PSME3: variants seen among roughly 807,000 people sequenced by gnomAD.
PSME3 encodes proteasome activator subunit 3.
In PSME3, 7 loss-of-function variants were observed where a neutral mutation model predicts 38.3. That is an observed-to-expected ratio of 0.18 (90% confidence interval 0.10 to 0.34). The LOEUF is 0.34. PSME3 is among the 10% of genes least tolerant of loss of function. The pLI, the probability that PSME3 is intolerant of heterozygous loss-of-function variation, is 1.00. For missense variants in PSME3, 192 were observed against 307.6 expected (o/e 0.62, Z 2.81); for synonymous variants, 108 against 105.7 (o/e 1.02, Z -0.13).
chr17:42,833,973 T>C, intron 1 of PSME3: 1 of 1,437,552 alleles, frequency 7.0e-7, no homozygotes. Context: ...CCCTGGACAC[T>C]GCCCCTGCCC....
intron 6 of PSME3, 110 bp downstream of exon 6, chr17:42,838,315 G>GT (rs921550342): frequency 0.022 from 26,403 of 1,206,954 alleles, no homozygotes; most frequent in East Asian, 0.033. Context: ...GTTTTTTTGA[G>GT]TTTTTTTTTT....
In PSME3 at chr17:42,842,055, T is replaced by C. The variant is rs895630141; in HGVS notation, c.*477T>C. On this transcript the variant is annotated 3_prime_UTR_variant, in exon 11 of 11. Transcript: ENST00000590720. ...ACTGTTTCTTTCCTCTGTGGGGCAT[T>C]GGATCCTCCCACAGTTGCCCTGGTG... 6.5e-6 allele frequency: 1 copy of C among 152,988 alleles called. No individual in the cohort carries two copies. Among genetic ancestry groups the C allele is most frequent in the Non-Finnish European group, 1.5e-5 (1 of 68,328 alleles). The allele number at this position is 152,988 out of a possible 1,614,324, so 9.5% of individuals were successfully genotyped here.
chr17:42,838,995 T>C lies in PSME3; in HGVS notation c.525T>C (p.Tyr175=), dbSNP rs763289004. 9 of 1,614,094 alleles carry C rather than the reference T, an allele frequency of 5.6e-6. No individual in the cohort carries two copies. In the Admixed American group the frequency reaches 1.3e-4, roughly 24 times the overall value. The change falls in exon 8 of 11, where the codon TAT becomes TAC. Residue 175 remains tyrosine (Y), a synonymous_variant. Coordinates refer to ENST00000590720, the MANE Select transcript of PSME3 (RefSeq NM_005789.4). ...LRTVESEAAS[Y]LDQISRYYIT... Reference sequence around the variant, plus strand: ...CTGTTGAGAGTGAAGCTGCATCTTATCTGGACCAGATTTCTAGGTAGGGCT... The same window carrying C: ...CTGTTGAGAGTGAAGCTGCATCTTACCTGGACCAGATTTCTAGGTAGGGCT...
In PSME3 at chr17:42,834,898, T is replaced by C. The variant is rs2055443502; in HGVS notation, c.243+22T>C. 1.2e-6 allele frequency: 2 copies of C among 1,612,662 alleles called. 1 individual carries two copies. Among genetic ancestry groups the C allele is most frequent in the Non-Finnish European group, 1.7e-6 (2 of 1,179,448 alleles). ...TGGTGTAAGTGTCCTATATTTATCT[T>C]TGTGTTCTTGAGCAGTAGGTCCTCT... On this transcript the variant is annotated intron_variant, in intron 4 of 10. Coordinates refer to ENST00000590720, the MANE Select transcript of PSME3 (RefSeq NM_005789.4).
chr17:42,839,114 A>G lies in PSME3; in HGVS notation c.545A>G (p.Tyr182Cys). Residue 182 changes from tyrosine (Y) to cysteine (C), a missense_variant and splice_region_variant, in exon 9 of 11, where the codon TAT (tyrosine) becomes TGT (cysteine). By Grantham distance (194) the Tyr-to-Cys change is radical. Coordinates refer to ENST00000590720, the MANE Select transcript of PSME3 (RefSeq NM_005789.4). ...CCTCCTCTTCTCTCTCTTTCCAGAT[A>G]TTATATTACAAGAGCCAAATTGGTT... The part of the protein sequence containing the change: ...AASYLDQISR[Y>C]YITRAKLVSK... 1.3e-6 allele frequency: 2 copies of G among 1,590,042 alleles called. No individual in the cohort carries two copies. The highest frequency in any genetic ancestry group is 1.7e-6 in the Non-Finnish European group (2 of 1,158,208).
In PSME3 at chr17:42,834,327, C is replaced by T; in HGVS notation, c.43-17C>T. On this transcript the variant is annotated splice_polypyrimidine_tract_variant and intron_variant, in intron 1 of 10. Transcript: ENST00000590720. Reference sequence around the variant, plus strand: ...CTCTGTCCCCAGGTACTGAATTGCTCTCTTTGTTAATTTTAGGTTGATTCT... The same window carrying T: ...CTCTGTCCCCAGGTACTGAATTGCTTTCTTTGTTAATTTTAGGTTGATTCT... The T allele has an allele frequency of 6.2e-7, 1 of 1,614,080 alleles. No individual in the cohort carries two copies. Among genetic ancestry groups the T allele is most frequent in the Non-Finnish European group, 8.5e-7 (1 of 1,179,992 alleles).
At position 42,833,492 on chromosome 17, in the gene PSME3, G is replaced by T; in HGVS notation, c.-140G>T. On this transcript the variant is annotated 5_prime_UTR_variant, in exon 1 of 11. Transcript: ENST00000590720. Reference sequence around the variant, plus strand: ...GGGCGGGCGGACGGCACAGAGGGAGGGAGCGAGCGAGCAGTGAGTAAGCCA... The same window carrying T: ...GGGCGGGCGGACGGCACAGAGGGAGTGAGCGAGCGAGCAGTGAGTAAGCCA... The T allele has an allele frequency of 2.0e-6, 2 of 1,016,552 alleles. No homozygotes were observed. Among genetic ancestry groups the T allele is most frequent in the East Asian group, 2.6e-5 (1 of 38,832 alleles). 63.0% of individuals were successfully genotyped at this position (1,016,552 alleles called of 1,614,324 possible).
chr17:42,842,645 C>A lies in PSME3; in HGVS notation c.*1067C>A, dbSNP rs768570955. The A allele has an allele frequency of 2.6e-5, 4 of 152,758 alleles. No individual in the cohort carries two copies. Among genetic ancestry groups the A allele is most frequent in the East Asian group, 1.9e-4 (1 of 5,328 alleles). 9.5% of individuals were successfully genotyped at this position (152,758 alleles called of 1,614,324 possible). A position where few individuals can be genotyped will look rare whatever the true frequency, so the allele number is the denominator to read the frequency against. On this transcript the variant is annotated 3_prime_UTR_variant, in exon 11 of 11. Transcript: ENST00000590720. ...GTGTCGGGCTTCCGGGGAAAGCAAT[C>A]ATTGGTGTGTATGTGTATGTGCATG...
In PSME3 at chr17:42,838,163, A is replaced by G. The variant is rs775040084; in HGVS notation, c.363A>G (p.Lys121=). The change falls in exon 6 of 11, where the codon AAA becomes AAG. Residue 121 remains lysine (K), a synonymous_variant. Coordinates refer to ENST00000590720, the MANE Select transcript of PSME3 (RefSeq NM_005789.4). Reference sequence around the variant, plus strand: ...AGCAGCTGGTGGACATTATTGAGAAAGTGAAACCTGAGATCCGGCTGTTGA... The same window carrying G: ...AGCAGCTGGTGGACATTATTGAGAAGGTGAAACCTGAGATCCGGCTGTTGA... ...SNQQLVDIIE[K]VKPEIRLLIE... 6.2e-7 allele frequency: 1 copy of G among 1,614,156 alleles called. No homozygotes were observed. Among genetic ancestry groups the G allele is most frequent in the East Asian group, 2.2e-5 (1 of 44,878 alleles).
intron 10 of PSME3, among the ~76,000 whole-genome samples, chr17:42,840,231 C>T (rs781347793): frequency 1.4e-4 from 21 of 151,682 alleles, no homozygotes; most frequent in South Asian, 6.2e-4. Context: ...TGCAGTGAGC[C>T]GAGATTGCGC....
Position 42,838,880 on chromosome 17 carries a change from T to C in PSME3, c.475-65T>C. 4 of 1,602,194 alleles carry C rather than the reference T, an allele frequency of 2.5e-6. No individual in the cohort carries two copies. In the South Asian group the frequency reaches 4.4e-5, roughly 18 times the overall value. ...CCCTGCGTTACCTTTTTTTCCTTTTTCTTTGGGGCTGCTGTGGATGACATG... is the reference window on the plus strand; with the variant it reads ...CCCTGCGTTACCTTTTTTTCCTTTTCCTTTGGGGCTGCTGTGGATGACATG... On this transcript the variant is annotated intron_variant, in intron 7 of 10. Coordinates refer to ENST00000590720, the MANE Select transcript of PSME3 (RefSeq NM_005789.4).
At chr17:42,841,270 C>T (rs1037419926) in intron 10 of PSME3, among the ~76,000 whole-genome samples, 1 of 151,124 alleles carries the variant, frequency 6.6e-6, no homozygotes, top group African/African-American at 2.4e-5. Flanking sequence ...TGACATCGAA[C>T]AAAATGATGT....
In PSME3 at chr17:42,833,447, GC is replaced by G. The variant is rs2055421464; in HGVS notation, c.-184del. Reference sequence around the variant, plus strand: ...GCCGGGAGGGCGAGCGAGAGAGCAAGCAGGCAGCAGGCTGCCGGCGGGCGGG... The same window carrying G: ...GCCGGGAGGGCGAGCGAGAGAGCAAGAGGCAGCAGGCTGCCGGCGGGCGGG... On this transcript the variant is annotated 5_prime_UTR_variant, in exon 1 of 11. Coordinates refer to ENST00000590720, the MANE Select transcript of PSME3 (RefSeq NM_005789.4). 1 of 659,176 alleles carries G rather than the reference GC, an allele frequency of 1.5e-6. No individual in the cohort carries two copies. The highest frequency in any genetic ancestry group is 1.8e-5 in the African/African-American group (1 of 54,880). The allele number at this position is 659,176 out of a possible 1,614,324, so 40.8% of individuals were successfully genotyped here. A position where few individuals can be genotyped will look rare whatever the true frequency, so the allele number is the denominator to read the frequency against.
rs559036639 is a variant in PSME3, at chr17:42,833,966, T to G, written c.42+293T>G. 44 of 1,440,246 alleles carry G rather than the reference T, an allele frequency of 3.1e-5. No individual in the cohort carries two copies. The African/African-American group carries it at 6.2e-4, about 20-fold the overall frequency. 89.2% of individuals were successfully genotyped at this position (1,440,246 alleles called of 1,614,324 possible). A position where few individuals can be genotyped will look rare whatever the true frequency, so the allele number is the denominator to read the frequency against. On this transcript the variant is annotated intron_variant, in intron 1 of 10. Transcript: ENST00000590720. ...TAATCCCCCAGCCCAACAACGTCCCTGGACACTGCCCCTGCCCTTGGCGGC... is the reference window on the plus strand; with the variant it reads ...TAATCCCCCAGCCCAACAACGTCCCGGGACACTGCCCCTGCCCTTGGCGGC...
chr17:42,833,636 C>T lies in PSME3; in HGVS notation c.5C>T (p.Ala2Val). Residue 2 changes from alanine (A) to valine (V), a missense_variant, in exon 1 of 11, where the codon GCC (alanine) becomes GTC (valine). By Grantham distance (64) the Ala-to-Val change is moderately conservative. Around this residue, in one of 2 missense-constraint regions of PSME3, gnomAD observed 110 missense variants for 139.3 expected, o/e 0.79. Coordinates refer to ENST00000590720, the MANE Select transcript of PSME3 (RefSeq NM_005789.4). ...CGGACACGGCCCGGCCCGGCCATGG[C>T]CTCGTTGCTGAAGGTGGATCAGGAA... MASLLKVDQEVK... is the reference protein window; with the variant it reads MVSLLKVDQEVK... The T allele has an allele frequency of 6.2e-7, 1 of 1,614,234 alleles. No homozygotes were observed. The highest frequency in any genetic ancestry group is 8.5e-7 in the Non-Finnish European group (1 of 1,180,038).
intron 1 of PSME3, 112 bp downstream of exon 1, chr17:42,833,785 T>C: frequency 1.2e-6 from 2 of 1,600,980 alleles, no homozygotes; most frequent in Non-Finnish European, 1.7e-6. Context: ...GCTCTGAGCT[T>C]CCGCTCGGCT....
intron 4 of PSME3, among the ~76,000 whole-genome samples, chr17:42,835,704 G>A (rs867764901): frequency 6.6e-6 from 1 of 150,722 alleles, no homozygotes; most frequent in Non-Finnish European, 1.5e-5. Flanking sequence ...CAGCCTGGGC[G>A]ACAGAGCGAG....
rs1232258479 is a variant in PSME3, at chr17:42,834,761, G to A, written c.139-11G>A. ...TGAAAAGATTAATGTTTTGGGGTGG[G>A]TGTCTTTCAGGAACCAATCTTAAAC... is the stretch of plus-strand genomic sequence containing the variant. On this transcript the variant is annotated splice_polypyrimidine_tract_variant and intron_variant, in intron 3 of 10. Coordinates refer to ENST00000590720, the MANE Select transcript of PSME3 (RefSeq NM_005789.4). 3.1e-6 allele frequency: 5 copies of A among 1,613,494 alleles called. No homozygotes were observed. The highest frequency in any genetic ancestry group is 2.2e-5 in the East Asian group (1 of 44,886).
rs899562979 is a variant in PSME3, at chr17:42,837,538, A to G, written c.244-111A>G. 3 of 1,152,140 alleles carry G rather than the reference A, an allele frequency of 2.6e-6. No individual in the cohort carries two copies. In the African/African-American group the frequency reaches 4.6e-5, roughly 18 times the overall value. The allele number at this position is 1,152,140 out of a possible 1,614,324, so 71.4% of individuals were successfully genotyped here. A position where few individuals can be genotyped will look rare whatever the true frequency, so the allele number is the denominator to read the frequency against. On this transcript the variant is annotated intron_variant, in intron 4 of 10. Coordinates refer to ENST00000590720, the MANE Select transcript of PSME3 (RefSeq NM_005789.4). ...GTACTTAGGAAATTGTGCAGAAATT[A>G]ATAACATAAGCTATGAGGCTGAGGA...
Sources: gnomAD v4.1 joint callset for allele counts (sites outside exome capture counted in the v4.1 genomes callset) on GRCh38, gnomAD v4.1.1 for gene constraint, gnomAD v4.1.1 regional missense constraint, MANE v1.5 for transcripts, NCBI Gene and HGNC (gene_info 2026-07-23, HGNC 2026-07-21) for gene names.